The following PAG1 variants were observed in gnomAD, a reference collection of about 807,000 sequenced individuals.
PAG1 encodes phosphoprotein associated with glycosphingolipid-enriched microdomains 1.
PAG1 carries 23 observed loss-of-function variants against 31.7 expected under a neutral mutation model. That is an observed-to-expected ratio of 0.73 (90% CI 0.52 to 1.03). The LOEUF (loss-of-function observed/expected upper bound fraction) is 1.03. Among genes scored for constraint, PAG1 ranks in the 50% least tolerant of loss-of-function variants. PAG1 has a pLI of 0.00. For missense variants in PAG1, 473 were observed against 540.7 expected, an observed-to-expected ratio of 0.87 and a Z score of 1.24; for synonymous variants, 214 against 210.3, an observed-to-expected ratio of 1.02 and a Z score of -0.15.
chr8:81,034,058 A>G (rs1346585489), intron 2 of PAG1, among the ~76,000 whole-genome samples: 1 of 152,252 alleles, frequency 6.6e-6, no homozygotes, highest in Admixed American at 6.5e-5. Context: ...TGGAGGCAAG[A>G]TAACTACTCA....
intron 6 of PAG1, among the ~76,000 whole-genome samples, chr8:80,985,790 G>A (rs1432679018): frequency 1.3e-5 from 2 of 151,982 alleles, no homozygotes; most frequent in Non-Finnish European, 2.9e-5. Context: ...CTGCCTGTGT[G>A]GAGGGAATTA....
At chr8:81,099,155 G>GTA (rs1809571787) in intron 1 of PAG1, among the ~76,000 whole-genome samples, 2 of 152,166 alleles carry the variant, frequency 1.3e-5, no homozygotes, top group Non-Finnish European at 2.9e-5. Flanking sequence ...TGAATACACT[G>GTA]TATTACCTTT....
intron 1 of PAG1, among the ~76,000 whole-genome samples, chr8:81,097,164 G>A (rs1809541407): frequency 6.6e-6 from 1 of 152,172 alleles, no homozygotes; most frequent in African/African-American, 2.4e-5. Flanking sequence ...CACCCCCAGG[G>A]CACTTTAACC....
intron 1 of PAG1, among the ~76,000 whole-genome samples, chr8:81,078,884 C>T (rs968065545): frequency 5.9e-5 from 9 of 152,124 alleles, no homozygotes; most frequent in African/African-American, 9.7e-5. Flanking sequence ...AAACTAAAAA[C>T]GCACAATCTG....
intron 1 of PAG1, among the ~76,000 whole-genome samples, chr8:81,084,074 C>CGA (rs1809313170): frequency 6.6e-6 from 1 of 151,686 alleles, no homozygotes; most frequent in South Asian, 2.1e-4. Flanking sequence ...CTGGGAAATA[C>CGA]GACTCAAAAA....
At chr8:81,076,809 C>T (rs1397034578) in intron 1 of PAG1, among the ~76,000 whole-genome samples, 1 of 152,172 alleles carries the variant, frequency 6.6e-6, no homozygotes, top group East Asian at 1.9e-4. Context: ...ATTACTGCCT[C>T]AATATTTATT....
intron 1 of PAG1, among the ~76,000 whole-genome samples, chr8:81,084,808 A>G (rs1309457481): frequency 2.6e-5 from 4 of 152,216 alleles, no homozygotes; most frequent in African/African-American, 9.6e-5. Context: ...AAGTGCCAAA[A>G]ATTACATCTA....
intron 1 of PAG1, among the ~76,000 whole-genome samples, chr8:81,107,936 T>C (rs375685896): frequency 9.2e-5 from 14 of 152,150 alleles, no homozygotes; most frequent in African/African-American, 2.7e-4. Context: ...GTGAAGAAAA[T>C]TCAAAACAGT....
In PAG1 at chr8:81,044,014, C is replaced by G. The variant is rs144421110; in HGVS notation, c.-174-13925G>C. Among the ~76,000 whole-genome samples the G allele has an allele frequency of 4.8e-3, 728 of 152,302 alleles. 7 individuals are homozygous for G. Among genetic ancestry groups the G allele is most frequent in the African/African-American group, 0.014 (588 of 41,560 alleles). ...TCTGGAGTGTGAAGGATAAAGTAAACAGCCCACAAGGCTTCTTGAACGGTC... is the reference window on the plus strand; with the variant it reads ...TCTGGAGTGTGAAGGATAAAGTAAAGAGCCCACAAGGCTTCTTGAACGGTC... On this transcript the variant is annotated intron_variant, in intron 2 of 8. Coordinates refer to ENST00000220597, the MANE Select transcript of PAG1 (RefSeq NM_018440.4).
intron 3 of PAG1, among the ~76,000 whole-genome samples, chr8:81,002,502 T>C (rs1807804425): frequency 6.6e-6 from 1 of 152,192 alleles, no homozygotes; most frequent in Non-Finnish European, 1.5e-5. Flanking sequence ...GAGCAGATGG[T>C]CATTTCATAT....
chr8:81,031,498 C>T (rs1194801608), intron 2 of PAG1, among the ~76,000 whole-genome samples: 5 of 152,218 alleles, frequency 3.3e-5, no homozygotes, highest in African/African-American at 1.2e-4. Context: ...AACCTCTCCA[C>T]TTTTTCTTGT....
intron 2 of PAG1, among the ~76,000 whole-genome samples, chr8:81,042,193 C>T (rs990269264): frequency 2.0e-5 from 3 of 152,168 alleles, no homozygotes; most frequent in Admixed American, 1.3e-4. Context: ...GCCATGCAGG[C>T]ATCAGAGTGT....
chr8:81,091,999 CAA>C (rs35485848), intron 1 of PAG1, among the ~76,000 whole-genome samples: 7,755 of 128,020 alleles, frequency 0.061, 697 homozygotes, highest in African/African-American at 0.2. Flanking sequence ...GACCTTGTCT[CAA>C]AAAAAAAAAA....
chr8:80,974,919 T>A lies in PAG1; in HGVS notation c.*1625A>T, dbSNP rs1157040766. The A allele has an allele frequency of 6.6e-6, 1 of 152,236 alleles. No individual in the cohort carries two copies. The highest frequency in any genetic ancestry group is 2.4e-5 in the African/African-American group (1 of 41,462). The allele number at this position is 152,236 out of a possible 1,614,324, so 9.4% of individuals were successfully genotyped here. ...GGCCTTATAAGATCTAAAGAGATGA[T>A]TAAATTCAAACCAGGCTGAGCTCTT... is the stretch of plus-strand genomic sequence containing the variant. On this transcript the variant is annotated 3_prime_UTR_variant, in exon 9 of 9. Transcript: ENST00000220597.
chr8:81,025,740 C>A (rs1808265262), intron 3 of PAG1, among the ~76,000 whole-genome samples: 1 of 152,200 alleles, frequency 6.6e-6, no homozygotes, highest in South Asian at 2.1e-4. Context: ...GAGGAGGTGC[C>A]TGGAATCCTG....
intron 2 of PAG1, among the ~76,000 whole-genome samples, chr8:81,046,443 C>A: frequency 6.6e-6 from 1 of 152,170 alleles, no homozygotes; most frequent in East Asian, 1.9e-4. Context: ...AGCTGATGTG[C>A]CCTTTCCCCC....
chr8:81,056,559 A>C (rs948608680), intron 2 of PAG1, among the ~76,000 whole-genome samples: 4 of 152,216 alleles, frequency 2.6e-5, no homozygotes, highest in Admixed American at 2.6e-4. Context: ...CACCTTATAT[A>C]AAAATTAATT....
chr8:80,981,044 G>A (rs1417120030), intron 7 of PAG1, among the ~76,000 whole-genome samples: 1 of 152,112 alleles, frequency 6.6e-6, no homozygotes, highest in East Asian at 1.9e-4. Context: ...CTCAACAAAC[G>A]TGTACCCTTC....
In PAG1 at chr8:80,984,998, AGTCT is replaced by A; in HGVS notation, c.650_653del (p.Gln217LeufsTer25). ...ATTCAGCAAACTCAGCTTTGCCTTC[AGTCT>A]GGGGCCCTGGGAGCTCTTTCGAGGC... On this transcript the variant is annotated frameshift_variant, in exon 7 of 9. Coordinates refer to ENST00000220597, the MANE Select transcript of PAG1 (RefSeq NM_018440.4). LOFTEE classifies it high-confidence loss of function. The A allele has an allele frequency of 6.2e-7, 1 of 1,613,978 alleles. No individual in the cohort carries two copies. Among genetic ancestry groups the A allele is most frequent in the Non-Finnish European group, 8.5e-7 (1 of 1,179,998 alleles).
Sources: allele counts gnomAD v4.1 joint callset (sites outside exome capture counted in the v4.1 genomes callset), GRCh38; gene constraint gnomAD v4.1.1; transcripts MANE v1.5; gene names NCBI Gene and HGNC (gene_info 2026-07-23, HGNC 2026-07-21).